Variants in HPSE2 observed in about 807,000 individuals in gnomAD.
The protein encoded by HPSE2 is heparanase 2 (inactive).
In HPSE2, 38 loss-of-function variants were observed where a neutral mutation model predicts 60.5. The observed-to-expected ratio is 0.63, with a 90% CI of 0.48 to 0.82. The LOEUF (loss-of-function observed/expected upper bound fraction) is 0.82, where lower values mean the gene tolerates loss of function less well. Ranked by LOEUF, HPSE2 falls within the 40% of genes least tolerant of loss-of-function variation. The pLI, the probability that HPSE2 is intolerant of heterozygous loss-of-function variation, is 0.00. For missense variants in HPSE2, 713 were observed against 740.4 expected (o/e 0.96, Z 0.43); for synonymous variants, 295 against 293.2 (o/e 1.01, Z -0.06).
chr10:98,818,798 A>G (rs1467558435), intron 3 of HPSE2, among the ~76,000 whole-genome samples: 2 of 152,172 alleles, frequency 1.3e-5, no homozygotes, highest in African/African-American at 4.8e-5. Context: ...AATCTATCCA[A>G]GTGGCTTTTA....
In HPSE2 at chr10:98,606,438, T is replaced by C. The variant is rs1945588423; in HGVS notation, c.1320+8466A>G. On this transcript the variant is annotated intron_variant, in intron 9 of 11. Coordinates refer to ENST00000370552, the MANE Select transcript of HPSE2 (RefSeq NM_021828.5). ...TCTGGGGTTGGTGCCTAAGCACAGG[T>C]ATTTTTAAGAAGCTCCCGAGGTGAC... Among the ~76,000 whole-genome samples, 2 of 152,238 alleles carry C rather than the reference T, an allele frequency of 1.3e-5. 1 individual carries two copies. Among genetic ancestry groups the C allele is most frequent in the South Asian group, 4.1e-4 (2 of 4,836 alleles).
At chr10:98,768,536 T>C (rs544221999) in intron 3 of HPSE2, among the ~76,000 whole-genome samples, 1 of 152,356 alleles carries the variant, frequency 6.6e-6, no homozygotes, top group East Asian at 1.9e-4. Context: ...CTTGATCATA[T>C]TTGATCTTGT....
chr10:99,127,195 C>T (rs981119419), intron 3 of HPSE2, among the ~76,000 whole-genome samples: 3 of 152,018 alleles, frequency 2.0e-5, no homozygotes, highest in African/African-American at 4.8e-5. Context: ...TATTAAGCTA[C>T]TCAAGGAGAT....
At chr10:98,836,353 C>T (rs1459838770) in intron 3 of HPSE2, among the ~76,000 whole-genome samples, 1 of 152,184 alleles carries the variant, frequency 6.6e-6, no homozygotes, top group African/African-American at 2.4e-5. Flanking sequence ...AAAGTAATTT[C>T]CTGCCTCCTT....
At chr10:99,025,223 G>A (rs1477401299) in intron 3 of HPSE2, among the ~76,000 whole-genome samples, 1 of 152,100 alleles carries the variant, frequency 6.6e-6, no homozygotes, top group Non-Finnish European at 1.5e-5. Context: ...TTGCTCCTTT[G>A]TTTGTTTATG....
At chr10:98,717,285 A>G (rs1254556995) in intron 5 of HPSE2, among the ~76,000 whole-genome samples, 1 of 152,080 alleles carries the variant, frequency 6.6e-6, no homozygotes, top group Admixed American at 6.6e-5. Flanking sequence ...AACCTTCTCC[A>G]TAGCTGCAAT....
At chr10:99,079,401 C>T (rs911726041) in intron 3 of HPSE2, among the ~76,000 whole-genome samples, 1 of 152,178 alleles carries the variant, frequency 6.6e-6, no homozygotes, top group African/African-American at 2.4e-5. Context: ...CAGGTCCCAT[C>T]AGCACTCTGA....
intron 9 of HPSE2, among the ~76,000 whole-genome samples, chr10:98,550,674 CTG>C (rs1347344312): frequency 3.3e-5 from 5 of 152,092 alleles, no homozygotes; most frequent in African/African-American, 1.2e-4. Context: ...CGAGGTTTCA[CTG>C]TGTTAGTCAG....
chr10:98,777,331 A>G (rs1361397437), intron 3 of HPSE2, among the ~76,000 whole-genome samples: 1 of 152,172 alleles, frequency 6.6e-6, no homozygotes, highest in Non-Finnish European at 1.5e-5. Context: ...CAACAGACAA[A>G]CTGAATTCAA....
chr10:98,955,654 C>T (rs193093058), intron 3 of HPSE2, among the ~76,000 whole-genome samples: 4 of 152,288 alleles, frequency 2.6e-5, no homozygotes, highest in Admixed American at 1.3e-4. Flanking sequence ...GATACATGCA[C>T]ATGTATGTTC....
chr10:99,221,266 A>T (rs1849305270), intron 2 of HPSE2, among the ~76,000 whole-genome samples: 1 of 152,222 alleles, frequency 6.6e-6, no homozygotes, highest in Admixed American at 6.5e-5. Context: ...GTTAAGCAAC[A>T]ACTAGAAGTG....
chr10:98,960,707 T>TA (rs1253819458), intron 3 of HPSE2, among the ~76,000 whole-genome samples: 3 of 54,196 alleles, frequency 5.5e-5, no homozygotes, highest in African/African-American at 1.9e-4. Flanking sequence ...ATTTCTTTTT[T>TA]TTTTTTTTTT....
intron 9 of HPSE2, among the ~76,000 whole-genome samples, chr10:98,542,199 C>G (rs560367838): frequency 7.2e-5 from 11 of 152,316 alleles, no homozygotes; most frequent in Non-Finnish European, 1.5e-4. Context: ...GCCACCTCTG[C>G]TGATACCCGG....
intron 6 of HPSE2, among the ~76,000 whole-genome samples, chr10:98,646,895 A>G (rs1199313611): frequency 6.6e-6 from 1 of 152,244 alleles, no homozygotes; most frequent in African/African-American, 2.4e-5. Context: ...CACCTAGAGA[A>G]GCTCATTGCA....
At chr10:98,983,914 T>C (rs533004974) in intron 3 of HPSE2, among the ~76,000 whole-genome samples, 2 of 152,228 alleles carry the variant, frequency 1.3e-5, no homozygotes, top group East Asian at 1.9e-4. Flanking sequence ...CAGTCTGAGA[T>C]CGAACTGCAA....
the HPSE2 span, among the ~76,000 whole-genome samples, chr10:99,303,494 C>A: frequency 3.3e-5 from 5 of 152,086 alleles, no homozygotes; most frequent in Non-Finnish European, 5.9e-5. Context: ...CTTAGTCCCG[C>A]TAAAAACTTG....
intron 4 of HPSE2, among the ~76,000 whole-genome samples, chr10:98,722,161 G>A (rs1948944110): frequency 6.7e-6 from 1 of 149,934 alleles, no homozygotes; most frequent in Non-Finnish European, 1.5e-5. Context: ...CTCAGAATGT[G>A]AGCTCATTTG....
chr10:98,536,777 C>T lies in HPSE2; in HGVS notation c.1321-46581G>A, dbSNP rs543026158. Among the ~76,000 whole-genome samples, 13 of 152,278 alleles carry T rather than the reference C, an allele frequency of 8.5e-5. 1 individual carries two copies. The South Asian group carries it at 2.5e-3, about 29-fold the overall frequency. ...ACTCTGTACCAGGGACTGTGGTAGG[C>T]ACTGGGATTGCAGCCATGAATGTAA... On this transcript the variant is annotated intron_variant, in intron 9 of 11. Transcript: ENST00000370552.
At chr10:98,858,152 T>C (rs1952363398) in intron 3 of HPSE2, among the ~76,000 whole-genome samples, 1 of 152,232 alleles carries the variant, frequency 6.6e-6, no homozygotes, top group Non-Finnish European at 1.5e-5. Flanking sequence ...GCTACAACAA[T>C]GCTTGTTGAA....
Sources: allele counts gnomAD v4.1 joint callset (sites outside exome capture counted in the v4.1 genomes callset), GRCh38; gene constraint gnomAD v4.1.1; transcripts MANE v1.5; gene names NCBI Gene and HGNC (gene_info 2026-07-23, HGNC 2026-07-21).